PRIM2: variants seen among roughly 807,000 people sequenced by gnomAD.
The protein encoded by PRIM2 is DNA primase subunit 2.
A neutral mutation model predicts 67.3 loss-of-function variants in PRIM2; 39 were observed. The ratio of observed to expected loss-of-function variants is 0.58; its 90% CI spans 0.45 to 0.76. The LOEUF (loss-of-function observed/expected upper bound fraction) is 0.76, where lower values mean the gene tolerates loss of function less well. PRIM2 is among the 30% of genes least tolerant of loss of function. The pLI is 0.00. For missense variants in PRIM2, 398 were observed against 598.7 expected (o/e 0.66, Z 3.50); for synonymous variants, 143 against 198.7 (o/e 0.72, Z 2.36).
chr6:57,504,448 A>C (rs1429519540), intron 7 of PRIM2, among the ~76,000 whole-genome samples: 1 of 152,228 alleles, frequency 6.6e-6, no homozygotes, highest in Non-Finnish European at 1.5e-5. Flanking sequence ...GTCTAAAAAC[A>C]GTGGAAACTG....
intron 12 of PRIM2, among the ~76,000 whole-genome samples, chr6:57,630,300 A>C (rs1341031448): frequency 1.3e-5 from 2 of 152,186 alleles, no homozygotes; most frequent in Non-Finnish European, 2.9e-5. Flanking sequence ...TAAAACAAAA[A>C]TAAAAGTAAA....
At chr6:57,363,403 T>A (rs563257520) in intron 5 of PRIM2, among the ~76,000 whole-genome samples, 1 of 152,234 alleles carries the variant, frequency 6.6e-6, no homozygotes, top group Non-Finnish European at 1.5e-5. Context: ...TCTGTCTTCA[T>A]GTTGCATTAG....
chr6:57,578,512 T>C (rs1776003235), intron 10 of PRIM2, among the ~76,000 whole-genome samples: 1 of 152,214 alleles, frequency 6.6e-6, no homozygotes, highest in Non-Finnish European at 1.5e-5. Flanking sequence ...TATTCTGTTA[T>C]TTATGTTGGT....
At chr6:57,535,702 T>G (rs1160066294) in intron 9 of PRIM2, among the ~76,000 whole-genome samples, 2 of 152,042 alleles carry the variant, frequency 1.3e-5, no homozygotes, top group Non-Finnish European at 2.9e-5. Flanking sequence ...CTGTCTCTAC[T>G]ACAAATACCA....
chr6:57,516,896 TC>T (rs1774499084), intron 8 of PRIM2, among the ~76,000 whole-genome samples: 1 of 152,202 alleles, frequency 6.6e-6, no homozygotes, highest in African/African-American at 2.4e-5. Context: ...TCATGATGAC[TC>T]TTGGCATAGT....
intron 7 of PRIM2, among the ~76,000 whole-genome samples, chr6:57,454,697 A>T (rs1290859229): frequency 6.6e-6 from 1 of 151,940 alleles, no homozygotes; most frequent in Non-Finnish European, 1.5e-5. Context: ...TAGTCTTGCT[A>T]GTGGTCTATC....
chr6:57,580,179 A>G (rs1227570718), intron 10 of PRIM2, among the ~76,000 whole-genome samples: 54 of 152,232 alleles, frequency 3.5e-4, no homozygotes, highest in Admixed American at 2.2e-3. Context: ...GGCCCAGGAC[A>G]GAGGGTTGCT....
intron 8 of PRIM2, among the ~76,000 whole-genome samples, chr6:57,507,781 A>G (rs1774280367): frequency 6.6e-6 from 1 of 152,158 alleles, no homozygotes; most frequent in South Asian, 2.1e-4. Context: ...GCATACTTTT[A>G]TTGAGGATAG....
chr6:57,390,899 C>A (rs993592764), intron 7 of PRIM2, among the ~76,000 whole-genome samples: 3 of 152,126 alleles, frequency 2.0e-5, no homozygotes, highest in African/African-American at 7.2e-5. Context: ...TGGGTATATA[C>A]CCAGTAACGG....
chr6:57,376,857 A>C (rs1769779941), intron 5 of PRIM2, among the ~76,000 whole-genome samples: 2 of 152,150 alleles, frequency 1.3e-5, no homozygotes, highest in African/African-American at 4.8e-5. Flanking sequence ...TTGCTGGCAT[A>C]TAGAAATACA....
chr6:57,476,591 C>G (rs1162348731), intron 7 of PRIM2, among the ~76,000 whole-genome samples: 1 of 152,084 alleles, frequency 6.6e-6, no homozygotes, highest in Non-Finnish European at 1.5e-5. Context: ...TAGAACGTAA[C>G]CATCATTGTA....
the PRIM2 span, among the ~76,000 whole-genome samples, chr6:57,256,697 TTC>T: frequency 7.4e-6 from 1 of 134,642 alleles, no homozygotes; most frequent in African/African-American, 2.8e-5. Flanking sequence ...AGTTTTTCCT[TTC>T]TCTTTCTCTC....
chr6:57,319,177 T>G (rs1335702198), intron 2 of PRIM2, among the ~76,000 whole-genome samples: 1 of 151,320 alleles, frequency 6.6e-6, no homozygotes, highest in Non-Finnish European at 1.5e-5. Flanking sequence ...GTTCAGGAAT[T>G]CAGGGTGGAT....
rs373038190 is a variant in PRIM2, at chr6:57,324,262, G to A, written c.320G>A (p.Arg107Gln). ...GATCATATTTCTCATTTTATTTTGC[G>A]GCTTGCTTATTGCCAGTCGTAAGTA... ...RRDHISHFIL[R>Q]LAYCQSEELR... The change falls in exon 4 of 14, where the codon CGG becomes CAG. Residue 107 changes from arginine (R) to glutamine (Q), a missense_variant. Coordinates refer to ENST00000615550, the MANE Select transcript of PRIM2 (RefSeq NM_000947.5). 9 of 1,601,320 alleles carry A rather than the reference G, an allele frequency of 5.6e-6. No individual in the cohort carries two copies. Among genetic ancestry groups the A allele is most frequent in the African/African-American group, 5.4e-5 (4 of 74,656 alleles).
intron 5 of PRIM2, among the ~76,000 whole-genome samples, chr6:57,351,720 A>G (rs1768862246): frequency 6.6e-6 from 1 of 152,110 alleles, no homozygotes; most frequent in Non-Finnish European, 1.5e-5. Context: ...GCTATGGGCC[A>G]GTAGAGATAG....
chr6:57,624,824 A>T (rs1378801366), intron 12 of PRIM2, among the ~76,000 whole-genome samples: 1 of 152,184 alleles, frequency 6.6e-6, no homozygotes, highest in African/African-American at 2.4e-5. Flanking sequence ...TGATAAAGAC[A>T]TGCCCAAGAC....
chr6:57,453,189 C>T (rs531297722), intron 7 of PRIM2, among the ~76,000 whole-genome samples: 9 of 152,136 alleles, frequency 5.9e-5, no homozygotes, highest in African/African-American at 1.9e-4. Context: ...GTTACTGTAG[C>T]CTTGTAGTAT....
chr6:57,643,107 T>TA lies in PRIM2; in HGVS notation c.1300-2820dup, dbSNP rs1317363307. Among the ~76,000 whole-genome samples, 33 of 152,314 alleles carry TA rather than the reference T, an allele frequency of 2.2e-4. No individual in the cohort carries two copies. The East Asian group carries it at 6.2e-3, about 29-fold the overall frequency. On this transcript the variant is annotated intron_variant, in intron 13 of 13. Coordinates refer to ENST00000615550, the MANE Select transcript of PRIM2 (RefSeq NM_000947.5). ...ACCTAACACTGTTATCTCCATTTCA[T>TA]AGATGGAGAAAATCAGACTTTAAAA...
the PRIM2 span, among the ~76,000 whole-genome samples, chr6:57,271,891 T>C: frequency 6.6e-6 from 1 of 152,242 alleles, no homozygotes; most frequent in African/African-American, 2.4e-5. Flanking sequence ...ATTTACCCAG[T>C]AGTCATTCAG....
Sources: allele counts gnomAD v4.1 joint callset (sites outside exome capture counted in the v4.1 genomes callset), GRCh38; gene constraint gnomAD v4.1.1; transcripts MANE v1.5; gene names NCBI Gene and HGNC (gene_info 2026-07-23, HGNC 2026-07-21).